POC1B: variants seen among roughly 807,000 people sequenced by gnomAD.
POC1B encodes the protein POC1 centriolar protein homolog B.
In POC1B, 44 loss-of-function variants were observed where a neutral mutation model predicts 60.6. That is an observed-to-expected ratio of 0.73 (90% CI 0.57 to 0.93). The LOEUF is 0.93. POC1B is among the 40% of genes least tolerant of loss of function. POC1B has a pLI of 0.00. For synonymous variants in POC1B, 180 were observed against 198.9 expected, an observed-to-expected ratio of 0.90 and a Z score of 0.80; for missense variants, 555 against 572.3, an observed-to-expected ratio of 0.97 and a Z score of 0.31.
At chr12:89,402,745 C>T in the POC1B span, among the ~76,000 whole-genome samples, 1 of 152,092 alleles carries the variant, frequency 6.6e-6, no homozygotes, top group East Asian at 1.9e-4. Context: ...GACATACATA[C>T]TTTCTTTTTT....
intron 10 of POC1B, among the ~76,000 whole-genome samples, chr12:89,459,271 G>A (rs1882377544): frequency 6.6e-6 from 1 of 151,826 alleles, no homozygotes; most frequent in South Asian, 2.1e-4. Flanking sequence ...GGGTGGGGTG[G>A]CAGGGGGAGG....
intron 1 of POC1B, 170 bp downstream of exon 1, chr12:89,525,710 GC>G: frequency 8.0e-7 from 1 of 1,254,754 alleles, no homozygotes; most frequent in Non-Finnish European, 1.0e-6. Flanking sequence ...CACTCCGTCC[GC>G]CCCGATGGCA....
At chr12:89,525,738 C>G (rs927936203) in intron 1 of POC1B, 143 bp downstream of exon 1, 218 of 1,287,178 alleles carry the variant, frequency 1.7e-4, no homozygotes, top group Non-Finnish European at 2.0e-4. Flanking sequence ...GAGATACGGA[C>G]GCCCCGGGAC....
chr12:89,512,360 T>C (rs1870230981), intron 2 of POC1B, among the ~76,000 whole-genome samples: 2 of 152,180 alleles, frequency 1.3e-5, no homozygotes, highest in South Asian at 2.1e-4. Context: ...GCTGAAGAAA[T>C]TGAATTTAAT....
chr12:89,523,973 G>C, intron 2 of POC1B: 1 of 1,613,852 alleles, frequency 6.2e-7, no homozygotes, highest in Non-Finnish European at 8.5e-7. Flanking sequence ...ACTCTATCAA[G>C]ATTGCTGATG....
intron 10 of POC1B, among the ~76,000 whole-genome samples, chr12:89,438,754 A>T (rs1005280496): frequency 6.6e-6 from 1 of 152,214 alleles, no homozygotes; most frequent in African/African-American, 2.4e-5. Flanking sequence ...CTACTCAGGC[A>T]GTTGTATCTA....
At chr12:89,405,526 C>T in the POC1B span, among the ~76,000 whole-genome samples, 1 of 152,052 alleles carries the variant, frequency 6.6e-6, no homozygotes, top group Non-Finnish European at 1.5e-5. Flanking sequence ...GCCTGTAATC[C>T]TAAACTCCAG....
chr12:89,470,579 G>A lies in POC1B; in HGVS notation c.677-85C>T, dbSNP rs558215205. ...CCCAGTGCCTTATTAGCAATAGGTT[G>A]TAAACAAGAGCACTGTTTCCACAAC... is the stretch of plus-strand genomic sequence containing the variant. On this transcript the variant is annotated intron_variant, in intron 6 of 11. Coordinates refer to ENST00000313546, the MANE Select transcript of POC1B (RefSeq NM_172240.3). 2.3e-5 allele frequency: 26 copies of A among 1,141,168 alleles called. No individual in the cohort carries two copies. The South Asian group carries it at 5.4e-4, about 24-fold the overall frequency. 70.7% of individuals were successfully genotyped at this position (1,141,168 alleles called of 1,614,324 possible). A position where few individuals can be genotyped will look rare whatever the true frequency, so the allele number is the denominator to read the frequency against.
Position 89,498,062 on chromosome 12 carries a change from GCA to G in POC1B, c.101-722_101-721del, listed in dbSNP as rs578097997. Among the ~76,000 whole-genome samples, 9 of 152,206 alleles carry G rather than the reference GCA, an allele frequency of 5.9e-5. No homozygotes were observed. The South Asian group carries it at 1.4e-3, about 25-fold the overall frequency. ...AAGATAGTCTCTTAACACACCCATA[GCA>G]CAGTTAGCAGCTTCATGAAGCTGAT... On this transcript the variant is annotated intron_variant, in intron 2 of 11. Transcript: ENST00000313546.
intron 10 of POC1B, among the ~76,000 whole-genome samples, chr12:89,437,123 C>G (rs1172142084): frequency 6.6e-6 from 1 of 152,160 alleles, no homozygotes; most frequent in African/African-American, 2.4e-5. Flanking sequence ...AGCACTCGAT[C>G]AGACAGTTGT....
chr12:89,496,014 G>A (rs779615413), intron 3 of POC1B, among the ~76,000 whole-genome samples: 33 of 152,190 alleles, frequency 2.2e-4, no homozygotes, highest in Middle Eastern at 3.4e-3. Flanking sequence ...GCCTGCCTTG[G>A]CCTCCCAAAG....
At chr12:89,501,359 A>C in intron 2 of POC1B, 2 of 1,023,376 alleles carry the variant, frequency 2.0e-6, no homozygotes, top group South Asian at 2.6e-5. Context: ...ACTATAAAAC[A>C]AAAACAGAGA....
At chr12:89,487,730 G>T (rs1868715817) in intron 4 of POC1B, among the ~76,000 whole-genome samples, 1 of 152,104 alleles carries the variant, frequency 6.6e-6, no homozygotes, top group East Asian at 1.9e-4. Flanking sequence ...GCTCCTCCTG[G>T]CTCCCTCATG....
At chr12:89,460,114 T>C (rs940889116) in intron 9 of POC1B, 7 of 285,792 alleles carry the variant, frequency 2.4e-5, no homozygotes, top group Non-Finnish European at 3.5e-5. Context: ...CTCATTCATA[T>C]ATAATGTTAT....
intron 2 of POC1B, chr12:89,500,215 T>A: frequency 1.9e-6 from 3 of 1,594,574 alleles, no homozygotes; most frequent in Non-Finnish European, 8.6e-7. Context: ...TACAAGACTG[T>A]TTTGAAGAAA....
intron 10 of POC1B, among the ~76,000 whole-genome samples, chr12:89,432,111 T>C (rs917110998): frequency 6.6e-6 from 1 of 152,068 alleles, no homozygotes; most frequent in Non-Finnish European, 1.5e-5. Context: ...TGGCCGGGCA[T>C]GGTGGCTCAT....
At chr12:89,415,146 T>C (rs934621949), downstream of POC1B, among the ~76,000 whole-genome samples, 1 of 152,226 alleles carries the variant, frequency 6.6e-6, no homozygotes, top group African/African-American at 2.4e-5. Flanking sequence ...GCCAGAACTT[T>C]GAGGTTTTCT....
intron 2 of POC1B, among the ~76,000 whole-genome samples, chr12:89,512,314 G>A (rs1418850468): frequency 1.3e-5 from 2 of 152,218 alleles, no homozygotes; most frequent in African/African-American, 4.8e-5. Context: ...TAAAGGAGCT[G>A]TGGGTGCTTT....
At chr12:89,500,530 T>A in intron 2 of POC1B, 1 of 1,606,726 alleles carries the variant, frequency 6.2e-7, no homozygotes, top group Non-Finnish European at 8.5e-7. Context: ...ATCATCACAG[T>A]GAAGCTGATG....
Sources: gnomAD v4.1 joint callset for allele counts (sites outside exome capture counted in the v4.1 genomes callset) on GRCh38, gnomAD v4.1.1 for gene constraint, MANE v1.5 for transcripts, NCBI Gene and HGNC (gene_info 2026-07-23, HGNC 2026-07-21) for gene names.